Variants in OSBPL9 observed in about 807,000 individuals in gnomAD.
OSBPL9 encodes the protein oxysterol-binding protein-related protein 9.
OSBPL9 carries 40 observed loss-of-function variants against 106.6 expected under a neutral mutation model. The ratio of observed to expected loss-of-function variants is 0.38; its 90% CI spans 0.29 to 0.49. The LOEUF is 0.49. Among genes scored for constraint, OSBPL9 ranks in the 20% least tolerant of loss-of-function variants. OSBPL9 has a pLI of 0.97. For synonymous variants in OSBPL9, 269 were observed against 295.4 expected (o/e 0.91, Z 0.92); for missense variants, 609 against 887.2 (o/e 0.69, Z 3.98).
the OSBPL9 span, among the ~76,000 whole-genome samples, chr1:51,558,208 A>G: frequency 1.3e-5 from 2 of 151,876 alleles, no homozygotes; most frequent in African/African-American, 4.8e-5. Context: ...TGAACCCGGG[A>G]GGCGGAGCTT....
At chr1:51,787,522 TTCC>T in intron 23 of OSBPL9, 34 bp downstream of exon 23, 2 of 1,611,848 alleles carry the variant, frequency 1.2e-6, no homozygotes, top group Non-Finnish European at 1.7e-6. Context: ...CTAAGTGCTG[TTCC>T]TCCTAATTTA....
the OSBPL9 span, among the ~76,000 whole-genome samples, chr1:51,525,370 G>A: frequency 6.6e-6 from 1 of 152,172 alleles, no homozygotes; most frequent in African/African-American, 2.4e-5. Context: ...GTTGGTTTAT[G>A]TCATTGGGAA....
chr1:51,534,129 G>C, the OSBPL9 span, among the ~76,000 whole-genome samples: 1 of 151,536 alleles, frequency 6.6e-6, no homozygotes, highest in East Asian at 1.9e-4. Context: ...ACTTGAACCC[G>C]GGAGGAGGAG....
At chr1:51,682,365 A>G (rs895676934) in intron 3 of OSBPL9, among the ~76,000 whole-genome samples, 2 of 152,142 alleles carry the variant, frequency 1.3e-5, no homozygotes, top group African/African-American at 4.8e-5. Flanking sequence ...TGTTGAGGAG[A>G]TATGTAACGC....
chr1:51,767,286 G>A (rs944905257), intron 12 of OSBPL9, among the ~76,000 whole-genome samples: 6 of 151,758 alleles, frequency 4.0e-5, no homozygotes, highest in East Asian at 1.9e-4. Flanking sequence ...CTAGCTACTC[G>A]GGAGGCTAAG....
chr1:51,776,720 G>A, intron 14 of OSBPL9, 113 bp from the exon 15 acceptor site: 4 of 703,816 alleles, frequency 5.7e-6, no homozygotes, highest in Non-Finnish European at 9.5e-6. Context: ...TGTGGTGGAT[G>A]TTACCATGAT....
intron 1 of OSBPL9, among the ~76,000 whole-genome samples, chr1:51,642,237 C>G (rs1394760936): frequency 1.3e-5 from 2 of 152,142 alleles, no homozygotes; most frequent in Non-Finnish European, 2.9e-5. Flanking sequence ...TTACGTGTCT[C>G]CGTCCTATCA....
chr1:51,532,628 T>C, the OSBPL9 span, among the ~76,000 whole-genome samples: 1 of 152,194 alleles, frequency 6.6e-6, no homozygotes, highest in Admixed American at 6.5e-5. Flanking sequence ...CAGTTGTGGG[T>C]TTTTCTTCAT....
At chr1:51,651,963 T>G (rs750331770) in intron 1 of OSBPL9, 28 bp from the exon 2 acceptor site, 1 of 1,578,492 alleles carries the variant, frequency 6.3e-7, no homozygotes, top group African/African-American at 1.4e-5. Flanking sequence ...TAATGTTTTA[T>G]TCATTGAATG....
At chr1:51,525,290 G>A in the OSBPL9 span, among the ~76,000 whole-genome samples, 1 of 152,158 alleles carries the variant, frequency 6.6e-6, no homozygotes, top group Non-Finnish European at 1.5e-5. Context: ...GGGTTTTGGG[G>A]AAAGTTAAAT....
intron 4 of OSBPL9, among the ~76,000 whole-genome samples, chr1:51,740,511 A>G (rs1666673188): frequency 6.6e-6 from 1 of 152,044 alleles, no homozygotes; most frequent in African/African-American, 2.4e-5. Context: ...CAGTTCTACT[A>G]CTGATAACTT....
At chr1:51,726,470 T>TTTC (rs1663141390) in intron 4 of OSBPL9, among the ~76,000 whole-genome samples, 1 of 152,156 alleles carries the variant, frequency 6.6e-6, no homozygotes, top group Non-Finnish European at 1.5e-5. Flanking sequence ...TGGGGTGACA[T>TTTC]TAGAGCAGAA....
chr1:51,636,001 A>T (rs1329362364), intron 1 of OSBPL9, among the ~76,000 whole-genome samples: 1 of 151,938 alleles, frequency 6.6e-6, no homozygotes, highest in Non-Finnish European at 1.5e-5. Flanking sequence ...ATATATTAAT[A>T]TGCTTGGTTG....
intron 2 of OSBPL9, among the ~76,000 whole-genome samples, chr1:51,666,872 GTC>G (rs1011450181): frequency 6.6e-4 from 101 of 152,344 alleles, no homozygotes; most frequent in African/African-American, 2.3e-3. Flanking sequence ...TCTAATAAGA[GTC>G]TGTGCTTCAG....
At chr1:51,680,274 T>A (rs1428059181) in intron 3 of OSBPL9, among the ~76,000 whole-genome samples, 2 of 150,928 alleles carry the variant, frequency 1.3e-5, no homozygotes, top group East Asian at 3.9e-4. Context: ...AAATTTTGAG[T>A]CATTCTGTAT....
At chr1:51,609,604 A>C (rs756638161) in intron 2 of OSBPL9, among the ~76,000 whole-genome samples, 87 of 150,052 alleles carry the variant, frequency 5.8e-4, no homozygotes, top group Non-Finnish European at 7.3e-4. Context: ...TCATGCCTCA[A>C]CCTCCCAAAG....
rs776801492 is a variant in OSBPL9 at position 51,760,638 on chromosome 1, C to G, written c.583-52C>G. On this transcript the variant is annotated intron_variant, in intron 9 of 23. Coordinates refer to ENST00000428468, the MANE Select transcript of OSBPL9 (RefSeq NM_024586.6). ...TAAATGTGGGCATTTGGGAGGGTAG[C>G]ATGAGAAGAGCATTTAATTAAAAAT... is the stretch of plus-strand genomic sequence containing the variant. 4.3e-6 allele frequency: 7 copies of G among 1,609,988 alleles called. No individual in the cohort carries two copies. In the African/African-American group the frequency reaches 9.4e-5, roughly 22 times the overall value.
At chr1:51,730,163 T>G in intron 4 of OSBPL9, 1 of 1,239,436 alleles carries the variant, frequency 8.1e-7, no homozygotes. Flanking sequence ...CCCTCTTCCT[T>G]GGGAGTTCTC....
intron 2 of OSBPL9, among the ~76,000 whole-genome samples, chr1:51,606,833 G>C (rs1030377519): frequency 6.6e-6 from 1 of 152,138 alleles, no homozygotes; most frequent in African/African-American, 2.4e-5. Flanking sequence ...CAGATCACGA[G>C]GTCAGGAGAT....
Sources: allele counts gnomAD v4.1 joint callset (sites outside exome capture counted in the v4.1 genomes callset), GRCh38; gene constraint gnomAD v4.1.1; transcripts MANE v1.5; gene names NCBI Gene and HGNC (gene_info 2026-07-23, HGNC 2026-07-21).